The following USP26 variants were observed in gnomAD, a reference collection of about 807,000 sequenced individuals.
USP26 encodes ubiquitin specific peptidase 26, also known as ubiquitin carboxyl-terminal hydrolase 26.
For missense variants in USP26, 649 were observed against 642.3 expected (o/e 1.01, Z -0.11); for synonymous variants, 236 against 240.6 (o/e 0.98, Z 0.18).
Position 133,026,818 on chromosome X carries a change from A to T in USP26, c.1403T>A (p.Leu468His). 8.3e-7 allele frequency: 1 copy of T among 1,211,237 alleles called. No homozygotes were observed. Among genetic ancestry groups the T allele is most frequent in the Non-Finnish European group, 1.1e-6 (1 of 895,249 alleles). ...AGGATGTGCTTTTATTCTTTGGGGA[A>T]GGTTGATGGAGAGGTAATTATTCAG... ...TELNNYLSIN[L>H]PQRIKAHPSS... Residue 468 changes from leucine to histidine, a missense_variant, in exon 6 of 6, where the codon CTT becomes CAT. By Grantham distance (99) the Leu-to-His change is moderately conservative. Transcript: ENST00000511190.
intron 5 of USP26, among the ~76,000 whole-genome samples, chrX:133,039,246 T>C (rs190262256): frequency 1.9e-3 from 208 of 111,546 alleles, no homozygotes; most frequent in Non-Finnish European, 3.3e-3. Flanking sequence ...GTTCTTTTAA[T>C]TGTGATGTTA....
At chrX:133,060,682 T>C (rs920223304) in intron 5 of USP26, among the ~76,000 whole-genome samples, 2 of 111,789 alleles carry the variant, frequency 1.8e-5, no homozygotes, top group Non-Finnish European at 3.8e-5. Context: ...CTAACAAATA[T>C]ACTGGGGCAA....
At chrX:133,061,844 CA>C (rs1226456182) in intron 5 of USP26, among the ~76,000 whole-genome samples, 1 of 111,522 alleles carries the variant, frequency 9.0e-6, no homozygotes, top group African/African-American at 3.3e-5. Flanking sequence ...GGGTTTCAAG[CA>C]AAAAACCGGG....
In USP26 at chrX:133,025,827, T is replaced by A. The variant is rs764641383; in HGVS notation, c.2394A>T (p.Arg798Ser). The A allele has an allele frequency of 9.9e-6, 12 of 1,209,235 alleles. No homozygotes were observed. Among genetic ancestry groups the A allele is most frequent in the Non-Finnish European group, 1.2e-5 (11 of 894,753 alleles). The change falls in exon 6 of 6, where the codon AGA (arginine) becomes AGT (serine). Residue 798 changes from arginine to serine, a missense_variant. By Grantham distance (110) the Arg-to-Ser change is moderately radical. Transcript: ENST00000511190. ...LLALGSNKNPRNKDILDKIKS... is the reference protein window; with the variant it reads ...LLALGSNKNPSNKDILDKIKS... Reference sequence around the variant, plus strand: ...TTATCTTATCTAAAATGTCTTTGTTTCTTGGATTCTTATTGGAACCCAGTG... The same window carrying A: ...TTATCTTATCTAAAATGTCTTTGTTACTTGGATTCTTATTGGAACCCAGTG...
At chrX:133,051,984 T>C (rs890521601) in intron 5 of USP26, among the ~76,000 whole-genome samples, 6 of 112,183 alleles carry the variant, frequency 5.3e-5, no homozygotes, top group African/African-American at 1.9e-4. Context: ...GATGTTCTGT[T>C]TAAGTCTCTA....
Position 133,048,076 on chromosome X carries a change from C to T in USP26, c.-76-19780G>A, listed in dbSNP as rs773403742. ...TTTACCTAATTTTAATCAATTCCCC[C>T]CTCTCACTAAGCCAGACTTTAAAGT... On this transcript the variant is annotated intron_variant, in intron 5 of 5. Transcript: ENST00000511190. Among the ~76,000 whole-genome samples the T allele has an allele frequency of 2.7e-5, 3 of 111,537 alleles. No individual in the cohort carries two copies. In the South Asian group the frequency reaches 1.1e-3, roughly 42 times the overall value.
At chrX:133,075,507 T>C (rs2067545097) in intron 5 of USP26, among the ~76,000 whole-genome samples, 1 of 112,096 alleles carries the variant, frequency 8.9e-6, no homozygotes, top group South Asian at 3.7e-4. Context: ...ATGGTACAGA[T>C]TTGTACTCTG....
intron 5 of USP26, among the ~76,000 whole-genome samples, chrX:133,053,537 T>TA (rs1403278998): frequency 0.05 from 4,553 of 90,808 alleles, 104 homozygotes; most frequent in Non-Finnish European, 0.078. Flanking sequence ...GACTCTTTTT[T>TA]AAAAAAAAAA....
intron 4 of USP26, among the ~76,000 whole-genome samples, chrX:133,085,719 A>ATTT (rs1224064945): frequency 8.9e-6 from 1 of 112,243 alleles, no homozygotes. Context: ...TGTATGCATA[A>ATTT]TATTTGAGTC....
At chrX:133,080,344 T>C (rs1326980126) in intron 5 of USP26, among the ~76,000 whole-genome samples, 4 of 110,984 alleles carry the variant, frequency 3.6e-5, no homozygotes, top group Non-Finnish European at 7.5e-5. Flanking sequence ...ATGTAAGGAA[T>C]TAAAATTTTA....
intron 5 of USP26, among the ~76,000 whole-genome samples, chrX:133,057,582 A>G (rs2067479504): frequency 1.8e-5 from 2 of 108,814 alleles, no homozygotes; most frequent in Admixed American, 2.0e-4. Flanking sequence ...TTGATTTGAG[A>G]TCTTTCTTCT....
intron 4 of USP26, among the ~76,000 whole-genome samples, chrX:133,087,525 G>T (rs2067593871): frequency 1.8e-5 from 2 of 112,034 alleles, no homozygotes; most frequent in Admixed American, 9.5e-5. Flanking sequence ...TTACACCTTA[G>T]AAATTGACAA....
chrX:133,057,714 C>T (rs2067479897), intron 5 of USP26, among the ~76,000 whole-genome samples: 1 of 103,662 alleles, frequency 9.6e-6, no homozygotes, highest in Non-Finnish European at 2.0e-5. Context: ...TCTAATTTAT[C>T]TGTACACTCT....
intron 5 of USP26, among the ~76,000 whole-genome samples, chrX:133,076,739 G>T (rs1445283666): frequency 8.9e-6 from 1 of 111,739 alleles, no homozygotes; most frequent in Non-Finnish European, 1.9e-5. Flanking sequence ...AACCAGTAAG[G>T]ATCTGAGGCC....
intron 5 of USP26, among the ~76,000 whole-genome samples, chrX:133,045,105 C>G (rs148450394): frequency 9.0e-6 from 1 of 111,614 alleles, no homozygotes; most frequent in East Asian, 2.8e-4. Flanking sequence ...ACTTAGAGAA[C>G]CTTTTTGTCT....
At chrX:133,038,179 G>T (rs2067402951) in intron 5 of USP26, among the ~76,000 whole-genome samples, 1 of 111,202 alleles carries the variant, frequency 9.0e-6, no homozygotes, top group African/African-American at 3.3e-5. Context: ...TGATTGCTCT[G>T]GCCAGAACTT....
At chrX:133,059,475 A>T (rs1339358220) in intron 5 of USP26, among the ~76,000 whole-genome samples, 3 of 111,247 alleles carry the variant, frequency 2.7e-5, no homozygotes, top group Non-Finnish European at 5.6e-5. Context: ...ACGTATTTGC[A>T]CTTTGGCTGG....
At chrX:133,038,473 A>G (rs1372137068) in intron 5 of USP26, among the ~76,000 whole-genome samples, 2 of 111,664 alleles carry the variant, frequency 1.8e-5, no homozygotes, top group Non-Finnish European at 3.8e-5. Context: ...AAGTTTATTG[A>G]TTTGCATATG....
At chrX:133,059,159 C>A (rs761176860) in intron 5 of USP26, among the ~76,000 whole-genome samples, 1 of 111,230 alleles carries the variant, frequency 9.0e-6, no homozygotes, top group South Asian at 3.9e-4. Context: ...TTTAACTGAG[C>A]ATTTCATACG....
Sources: gnomAD v4.1 joint callset for allele counts (sites outside exome capture counted in the v4.1 genomes callset) on GRCh38, gnomAD v4.1.1 for gene constraint, MANE v1.5 for transcripts, NCBI Gene and HGNC (gene_info 2026-07-23, HGNC 2026-07-21) for gene names.